Variants in ADORA1 observed in about 807,000 individuals in gnomAD.
ADORA1 encodes the protein adenosine receptor A1.
ADORA1 carries 6 observed loss-of-function variants against 19.9 expected under a neutral mutation model. The observed-to-expected ratio is 0.30, with a 90% CI of 0.17 to 0.59. The LOEUF is 0.59. Ranked by LOEUF, ADORA1 falls within the 20% of genes least tolerant of loss-of-function variation. ADORA1 has a pLI of 0.87. For synonymous variants in ADORA1, 194 were observed against 188.4 expected (o/e 1.03, Z -0.24); for missense variants, 302 against 439.2 (o/e 0.69, Z 2.79).
At chr1:203,146,138 A>C (rs1654851349) in intron 3 of ADORA1, among the ~76,000 whole-genome samples, 1 of 141,536 alleles carries the variant, frequency 7.1e-6, no homozygotes. Flanking sequence ...GGGTGCCTAC[A>C]TGTTGGGCAT....
chr1:203,135,320 C>T (rs1654470529), intron 3 of ADORA1, among the ~76,000 whole-genome samples: 2 of 152,130 alleles, frequency 1.3e-5, no homozygotes, highest in African/African-American at 4.8e-5. Context: ...ATGAAAAATG[C>T]TTTACTGTGT....
intron 3 of ADORA1, among the ~76,000 whole-genome samples, chr1:203,160,655 A>T (rs1230544201): frequency 6.6e-6 from 1 of 152,014 alleles, no homozygotes; most frequent in African/African-American, 2.4e-5. Flanking sequence ...CTCTACAAAA[A>T]CACTTAAAAA....
chr1:203,157,587 G>A (rs1488425850), intron 3 of ADORA1, among the ~76,000 whole-genome samples: 3 of 152,230 alleles, frequency 2.0e-5, no homozygotes, highest in African/African-American at 7.2e-5. Flanking sequence ...CCCTGGTGAG[G>A]GATCTCTGTG....
At chr1:203,158,366 A>G (rs1167953103) in intron 3 of ADORA1, among the ~76,000 whole-genome samples, 5 of 152,138 alleles carry the variant, frequency 3.3e-5, no homozygotes, top group Non-Finnish European at 7.4e-5. Flanking sequence ...CCAGTTTTCA[A>G]TATCTTGTTT....
chr1:203,143,127 A>G (rs897736196), intron 3 of ADORA1, among the ~76,000 whole-genome samples: 7 of 152,176 alleles, frequency 4.6e-5, no homozygotes, highest in Non-Finnish European at 1.0e-4. Flanking sequence ...ACAGAATACT[A>G]CAGACTGAGT....
chr1:203,142,946 A>G (rs901571479), intron 3 of ADORA1, among the ~76,000 whole-genome samples: 2 of 152,086 alleles, frequency 1.3e-5, no homozygotes, highest in African/African-American at 4.8e-5. Context: ...CTCTGTAAAC[A>G]CAACACCCCC....
chr1:203,163,685 G>C (rs757277702), intron 3 of ADORA1, among the ~76,000 whole-genome samples: 1 of 152,106 alleles, frequency 6.6e-6, no homozygotes, highest in Non-Finnish European at 1.5e-5. Flanking sequence ...GGGTGGAGAG[G>C]GGCATCTGGT....
Position 203,165,201 on chromosome 1 carries a change from G to A in ADORA1, c.342-60G>A. On this transcript the variant is annotated intron_variant, in intron 3 of 3. Coordinates refer to ENST00000337894, the MANE Select transcript of ADORA1 (RefSeq NM_000674.3). The surrounding 1 kb of genome is among the most constrained non-coding windows in gnomAD (Gnocchi z 5.9). ...GCCCCTGGAGGCCAGGCGTGCCTCA[G>A]AGGGGCCTTTCGAGGCAGCTGGGAG... 2 of 1,601,374 alleles carry A rather than the reference G, an allele frequency of 1.2e-6. No individual in the cohort carries two copies. Among genetic ancestry groups the A allele is most frequent in the Non-Finnish European group, 1.7e-6 (2 of 1,173,832 alleles).
At chr1:203,150,411 C>A (rs985155249) in intron 3 of ADORA1, among the ~76,000 whole-genome samples, 1 of 152,190 alleles carries the variant, frequency 6.6e-6, no homozygotes, top group South Asian at 2.1e-4. Flanking sequence ...TTGGGCCTGG[C>A]CTGTGGCTTC....
At position 203,166,335 on chromosome 1, in the gene ADORA1, G is replaced by T. The variant is rs116804787; in HGVS notation, c.*435G>T. 372 of 161,052 alleles carry T rather than the reference G, an allele frequency of 2.3e-3. 5 individuals are homozygous for T. Among genetic ancestry groups the T allele is most frequent in the African/African-American group, 8.5e-3 (356 of 41,884 alleles). 10.0% of individuals were successfully genotyped at this position (161,052 alleles called of 1,614,324 possible). Reference sequence around the variant, plus strand: ...GTTGGTGGTGCAGCCCCAGGACCAAGCTTAAGGAGAGGAGAGCATCTGCTC... The same window carrying T: ...GTTGGTGGTGCAGCCCCAGGACCAATCTTAAGGAGAGGAGAGCATCTGCTC... On this transcript the variant is annotated 3_prime_UTR_variant, in exon 4 of 4. Transcript: ENST00000337894.
At chr1:203,154,127 G>A (rs920034576) in intron 3 of ADORA1, among the ~76,000 whole-genome samples, 2 of 152,176 alleles carry the variant, frequency 1.3e-5, no homozygotes, top group Non-Finnish European at 2.9e-5. Context: ...GGACGGCCAG[G>A]CCTGAGGACC....
At chr1:203,157,412 A>G (rs1325046659) in intron 3 of ADORA1, among the ~76,000 whole-genome samples, 1 of 152,256 alleles carries the variant, frequency 6.6e-6, no homozygotes, top group East Asian at 1.9e-4. Context: ...TACTCCATGT[A>G]CCACCTCCTG....
Position 203,165,092 on chromosome 1 carries a change from G to C in ADORA1, c.342-169G>C, listed in dbSNP as rs1369535325. On this transcript the variant is annotated intron_variant, in intron 3 of 3. Coordinates refer to ENST00000337894, the MANE Select transcript of ADORA1 (RefSeq NM_000674.3). This position sits in a 1 kb window ranked among gnomAD's most constrained non-coding sequence, Gnocchi z 5.9. ...AATGCATGGCAAGCACTAAATCTTA[G>C]ATCCTGAAGACTCAGCCCTCGAGCA... 6.4e-7 allele frequency: 1 copy of C among 1,550,886 alleles called. No homozygotes were observed. The highest frequency in any genetic ancestry group is 2.4e-5 in the East Asian group (1 of 40,930).
At chr1:203,154,794 C>G (rs1655144535) in intron 3 of ADORA1, among the ~76,000 whole-genome samples, 1 of 152,176 alleles carries the variant, frequency 6.6e-6, no homozygotes, top group African/African-American at 2.4e-5. Flanking sequence ...GAGAGAAAGC[C>G]AAGGACAGAC....
intron 3 of ADORA1, among the ~76,000 whole-genome samples, chr1:203,137,121 T>A (rs546513626): frequency 1.1e-4 from 16 of 151,790 alleles, no homozygotes; most frequent in African/African-American, 3.4e-4. Context: ...GGAGAAAGGG[T>A]TGCAACTTTA....
intron 3 of ADORA1, among the ~76,000 whole-genome samples, chr1:203,131,090 C>T (rs1473284222): frequency 6.6e-6 from 1 of 152,152 alleles, no homozygotes; most frequent in Non-Finnish European, 1.5e-5. Flanking sequence ...CTCATATATG[C>T]GAAGCACTTG....
intron 3 of ADORA1, among the ~76,000 whole-genome samples, chr1:203,164,763 C>T (rs1183339406): frequency 2.6e-5 from 4 of 152,104 alleles, no homozygotes; most frequent in African/African-American, 4.8e-5. Context: ...TCAGTGTAGA[C>T]GTGTTTTAGG....
intron 3 of ADORA1, chr1:203,129,520 G>A (rs1654266633): frequency 3.4e-6 from 1 of 297,180 alleles, no homozygotes; most frequent in Non-Finnish European, 6.2e-6. Context: ...AGTGAGTGCT[G>A]GGTAGGAATG....
intron 3 of ADORA1, among the ~76,000 whole-genome samples, chr1:203,164,393 G>C (rs938405862): frequency 1.3e-5 from 2 of 152,206 alleles, no homozygotes; most frequent in African/African-American, 4.8e-5. Context: ...GAAAGCACTC[G>C]ACAAATGCTT....
Sources: allele counts gnomAD v4.1 joint callset (sites outside exome capture counted in the v4.1 genomes callset), GRCh38; gene constraint gnomAD v4.1.1; non-coding constraint Gnocchi (gnomAD v3.1); transcripts MANE v1.5; gene names NCBI Gene and HGNC (gene_info 2026-07-23, HGNC 2026-07-21).